Variants in JDP2 observed in about 807,000 individuals in gnomAD.
JDP2 encodes the protein Jun dimerization protein 2, also known as progesterone receptor co-activator.
JDP2 carries 9 observed loss-of-function variants against 17.1 expected under a neutral mutation model. The observed-to-expected ratio is 0.53, with a 90% CI of 0.32 to 0.92. The LOEUF (loss-of-function observed/expected upper bound fraction) is 0.92. Among genes scored for constraint, JDP2 ranks in the 40% least tolerant of loss-of-function variants. The pLI is 0.04. For synonymous variants in JDP2, 107 were observed against 95.6 expected (o/e 1.12, Z -0.69); for missense variants, 179 against 220.0 (o/e 0.81, Z 1.18).
At chr14:75,468,188 C>G (rs1179185654) in intron 3 of JDP2, among the ~76,000 whole-genome samples, 1 of 152,176 alleles carries the variant, frequency 6.6e-6, no homozygotes, top group African/African-American at 2.4e-5. Flanking sequence ...CAATCTCTTA[C>G]GCTATCGCCA....
At chr14:75,451,691 G>A (rs571279978) in intron 2 of JDP2, among the ~76,000 whole-genome samples, 10 of 152,284 alleles carry the variant, frequency 6.6e-5, no homozygotes, top group South Asian at 4.1e-4. Context: ...AGGGGAGTGG[G>A]TCCAGGGCAT....
intron 2 of JDP2, among the ~76,000 whole-genome samples, chr14:75,452,744 C>T (rs1885920042): frequency 6.6e-6 from 1 of 152,152 alleles, no homozygotes; most frequent in African/African-American, 2.4e-5. Flanking sequence ...GGGTGGCCAC[C>T]GCCCCATCCA....
chr14:75,451,624 G>A (rs1885870960), intron 2 of JDP2, among the ~76,000 whole-genome samples: 2 of 152,210 alleles, frequency 1.3e-5, no homozygotes, highest in South Asian at 4.1e-4. Context: ...AAACAGCCCG[G>A]AAGGGATGGG....
chr14:75,444,417 T>C (rs1348253270), intron 2 of JDP2, among the ~76,000 whole-genome samples: 1 of 152,212 alleles, frequency 6.6e-6, no homozygotes, highest in Non-Finnish European at 1.5e-5. Context: ...GTCTGAGGCG[T>C]TGCAGGAGCA....
chr14:75,450,548 G>A (rs1885803438), intron 2 of JDP2, among the ~76,000 whole-genome samples: 1 of 152,234 alleles, frequency 6.6e-6, no homozygotes, highest in Admixed American at 6.5e-5. Flanking sequence ...GCCAGCTCTT[G>A]TTCAGAGCCT....
At position 75,430,777 on chromosome 14, in the gene JDP2, T is replaced by C. The variant is rs1884761497; in HGVS notation, c.-24+2525T>C. 1.3e-5 allele frequency among the ~76,000 whole-genome samples: 2 copies of C among 152,122 alleles called. No individual in the cohort carries two copies. The highest frequency in any genetic ancestry group is 2.9e-5 in the Non-Finnish European group (2 of 68,028). ...CAAGCTCCATGTGCCTGTGTATGTGTGTGTGCGTGTGCATGTGTGTGCACA... is the reference window on the plus strand; with the variant it reads ...CAAGCTCCATGTGCCTGTGTATGTGCGTGTGCGTGTGCATGTGTGTGCACA... On this transcript the variant is annotated intron_variant, in intron 1 of 3. Transcript: ENST00000651602. This position sits in a 1 kb window ranked among gnomAD's most constrained non-coding sequence, Gnocchi z 4.5.
chr14:75,429,518 A>G (rs776201961), intron 1 of JDP2, among the ~76,000 whole-genome samples: 1 of 152,018 alleles, frequency 6.6e-6, no homozygotes, highest in Non-Finnish European at 1.5e-5. Context: ...TTCGCGTATC[A>G]TCTCCCTTCC....
chr14:75,442,901 G>A (rs926987539), intron 2 of JDP2, among the ~76,000 whole-genome samples: 4 of 152,084 alleles, frequency 2.6e-5, no homozygotes, highest in Non-Finnish European at 5.9e-5. Context: ...GCTTTCTGGG[G>A]GTGTCACCCC....
intron 1 of JDP2, chr14:75,432,176 G>A (rs1273240769): frequency 8.3e-6 from 6 of 720,608 alleles, no homozygotes; most frequent in South Asian, 1.7e-5. Flanking sequence ...CTCAGTCTTG[G>A]GGCCTTCCCC....
At chr14:75,438,147 G>A (rs767079704) in intron 2 of JDP2, 26 bp downstream of exon 2, 10 of 1,557,510 alleles carry the variant, frequency 6.4e-6, no homozygotes, top group Non-Finnish European at 8.7e-6. Context: ...ACCCCTGGCA[G>A]ATTCCAGGTC....
intron 2 of JDP2, among the ~76,000 whole-genome samples, chr14:75,449,490 A>C (rs909139628): frequency 6.6e-6 from 1 of 152,224 alleles, no homozygotes; most frequent in African/African-American, 2.4e-5. Context: ...CTCTTTGAGA[A>C]GAAGACAGAT....
rs1424635694 is a variant in JDP2 at position 75,473,220 on chromosome 14, T to A, written c.*3745T>A. 6.6e-6 allele frequency: 1 copy of A among 152,148 alleles called. No individual in the cohort carries two copies. The highest frequency in any genetic ancestry group is 1.5e-5 in the Non-Finnish European group (1 of 68,044). The allele number at this position is 152,148 out of a possible 1,614,324, so 9.4% of individuals were successfully genotyped here. A position where few individuals can be genotyped will look rare whatever the true frequency, so the allele number is the denominator to read the frequency against. On this transcript the variant is annotated 3_prime_UTR_variant, in exon 4 of 4. Coordinates refer to ENST00000651602, the MANE Select transcript of JDP2 (RefSeq NM_001135048.2). ...CGGGCATGGTGGCACGTGCCTGTAG[T>A]CCCAGCTACTCGGGAGGCTGAGGCA...
At chr14:75,466,053 C>T (rs1171900184) in intron 3 of JDP2, among the ~76,000 whole-genome samples, 1 of 152,132 alleles carries the variant, frequency 6.6e-6, no homozygotes, top group Non-Finnish European at 1.5e-5. Flanking sequence ...AAAAAAGATT[C>T]TTCTGAACTC....
chr14:75,451,341 G>A (rs117384045), intron 2 of JDP2, among the ~76,000 whole-genome samples: 8,529 of 151,448 alleles, frequency 0.056, 325 homozygotes, highest in Middle Eastern at 0.1. Flanking sequence ...CAAATCTGAC[G>A]AAGATTTAAA....
intron 1 of JDP2, among the ~76,000 whole-genome samples, chr14:75,433,937 A>G (rs1884938383): frequency 6.6e-6 from 1 of 152,158 alleles, no homozygotes; most frequent in Non-Finnish European, 1.5e-5. Flanking sequence ...TCTGCCTTTC[A>G]GACCTCCTGG....
rs370144187 is a variant in JDP2, at chr14:75,430,654, G to A, written c.-24+2402G>A. On this transcript the variant is annotated intron_variant, in intron 1 of 3. Transcript: ENST00000651602. The surrounding 1 kb of genome is among the most constrained non-coding windows in gnomAD (Gnocchi z 4.5). The stretch of plus-strand genomic sequence containing the variant: ...GGCTGCGTCCCGGGCCATATGCAGC[G>A]TATGGTGGCCAATGAAACCGGGCCT... Among the ~76,000 whole-genome samples, 98 of 152,126 alleles carry A rather than the reference G, an allele frequency of 6.4e-4. No homozygotes were observed. The highest frequency in any genetic ancestry group is 3.8e-4 in the East Asian group (2 of 5,206).
At position 75,472,665 on chromosome 14, in the gene JDP2, A is replaced by G. The variant is rs1440276091; in HGVS notation, c.*3190A>G. 6.6e-6 allele frequency: 1 copy of G among 152,274 alleles called. No individual in the cohort carries two copies. The highest frequency in any genetic ancestry group is 1.5e-5 in the Non-Finnish European group (1 of 68,046). The allele number at this position is 152,274 out of a possible 1,614,324, so 9.4% of individuals were successfully genotyped here. Reference sequence around the variant, plus strand: ...AGATCAAAAAAGGAATGGATATACAAAGTGTTTTGTGAAATAAAAGCTCCC... The same window carrying G: ...AGATCAAAAAAGGAATGGATATACAGAGTGTTTTGTGAAATAAAAGCTCCC... On this transcript the variant is annotated 3_prime_UTR_variant, in exon 4 of 4. Transcript: ENST00000651602.
chr14:75,459,679 C>A (rs984383725), intron 2 of JDP2, among the ~76,000 whole-genome samples: 1 of 152,246 alleles, frequency 6.6e-6, no homozygotes, highest in Admixed American at 6.5e-5. Context: ...CCACACCCTC[C>A]TCCCTGGCTG....
Position 75,471,024 on chromosome 14 carries a change from C to T in JDP2, c.*1549C>T, listed in dbSNP as rs1374452204. On this transcript the variant is annotated 3_prime_UTR_variant, in exon 4 of 4. Coordinates refer to ENST00000651602, the MANE Select transcript of JDP2 (RefSeq NM_001135048.2). ...AAGCGACTTATCCAAGGTAACCCAGCTAGCAAGGGATAGAGCTGGTGTTTG... is the reference window on the plus strand; with the variant it reads ...AAGCGACTTATCCAAGGTAACCCAGTTAGCAAGGGATAGAGCTGGTGTTTG... 1 of 152,208 alleles carries T rather than the reference C, an allele frequency of 6.6e-6. No homozygotes were observed. Among genetic ancestry groups the T allele is most frequent in the Non-Finnish European group, 1.5e-5 (1 of 68,042 alleles). 9.4% of individuals were successfully genotyped at this position (152,208 alleles called of 1,614,324 possible). A position where few individuals can be genotyped will look rare whatever the true frequency, so the allele number is the denominator to read the frequency against.
Sources: allele counts gnomAD v4.1 joint callset (sites outside exome capture counted in the v4.1 genomes callset), GRCh38; gene constraint gnomAD v4.1.1; non-coding constraint Gnocchi (gnomAD v3.1); transcripts MANE v1.5; gene names NCBI Gene and HGNC (gene_info 2026-07-23, HGNC 2026-07-21).